Variants in MAPK8IP3 observed in about 807,000 individuals in gnomAD.
MAPK8IP3 encodes mitogen-activated protein kinase 8 interacting protein 3, also known as C-Jun-amino-terminal kinase-interacting protein 3.
In MAPK8IP3, 49 loss-of-function variants were observed where a neutral mutation model predicts 157.8. The observed-to-expected ratio is 0.31, with a 90% CI of 0.25 to 0.39. The LOEUF (loss-of-function observed/expected upper bound fraction) is 0.39, where lower values mean the gene tolerates loss of function less well. Ranked by LOEUF, MAPK8IP3 falls within the 10% of genes least tolerant of loss-of-function variation. MAPK8IP3 has a pLI of 1.00. For missense variants in MAPK8IP3, 1,478 were observed against 1,889.4 expected, an observed-to-expected ratio of 0.78 and a Z score of 4.04; for synonymous variants, 897 against 777.7, an observed-to-expected ratio of 1.15 and a Z score of -2.55.
chr16:1,734,734 C>T (rs2039547000), intron 4 of MAPK8IP3, among the ~76,000 whole-genome samples: 1 of 152,258 alleles, frequency 6.6e-6, no homozygotes, highest in African/African-American at 2.4e-5. Context: ...CCTTTGGTCC[C>T]TTGGGGGACA....
At chr16:1,712,492 G>A (rs2037856102) in intron 1 of MAPK8IP3, among the ~76,000 whole-genome samples, 2 of 152,184 alleles carry the variant, frequency 1.3e-5, no homozygotes, top group Admixed American at 1.3e-4. Flanking sequence ...CCCTCACAAA[G>A]CATATCTGGT....
At chr16:1,765,714 G>C (rs1421069037) in intron 20 of MAPK8IP3, among the ~76,000 whole-genome samples, 6 of 152,220 alleles carry the variant, frequency 3.9e-5, no homozygotes, top group Admixed American at 3.3e-4. Flanking sequence ...TTTGCTCCCA[G>C]AACCAGAGTC....
Position 1,724,275 on chromosome 16 carries a change from C to T in MAPK8IP3, c.319-282C>T, listed in dbSNP as rs980503058. Among the ~76,000 whole-genome samples, 1 of 152,274 alleles carries T rather than the reference C, an allele frequency of 6.6e-6. No individual in the cohort carries two copies. The highest frequency in any genetic ancestry group is 2.4e-5 in the African/African-American group (1 of 41,482). On this transcript the variant is annotated intron_variant, in intron 1 of 31. Coordinates refer to ENST00000610761, the MANE Select transcript of MAPK8IP3 (RefSeq NM_001318852.2). This position sits in a 1 kb window ranked among gnomAD's most constrained non-coding sequence, Gnocchi z 4.1. ...CGAAGGCAGCCGTAATTGGAAACAACAGGCTCCCTTCACAGCAAATCCTCC... is the reference window on the plus strand; with the variant it reads ...CGAAGGCAGCCGTAATTGGAAACAATAGGCTCCCTTCACAGCAAATCCTCC...
chr16:1,719,068 G>T (rs555683854), intron 1 of MAPK8IP3, among the ~76,000 whole-genome samples: 1 of 152,190 alleles, frequency 6.6e-6, no homozygotes, highest in Admixed American at 6.5e-5. Flanking sequence ...GCAAGACCCC[G>T]TCTCAAGCAA....
rs1567209651 is a variant in MAPK8IP3, at chr16:1,766,076, C to T, written c.2563C>T (p.Arg855Cys). ...AGITLVGCAT[R>C]CNVPRSNCSS... ...TATCACCCTGGTGGGCTGTGCCACCCGCTGCAACGTGCCGCGGAGCAACTG... is the reference window on the plus strand; with the variant it reads ...TATCACCCTGGTGGGCTGTGCCACCTGCTGCAACGTGCCGCGGAGCAACTG... Residue 855 changes from arginine (R) to cysteine (C), a missense_variant, in exon 21 of 32, where the codon CGC (arginine) becomes TGC (cysteine). Physicochemically the swap from Arg to Cys is radical, Grantham distance 180. Around this residue, in one of 11 missense-constraint regions of MAPK8IP3, gnomAD observed 669 missense variants for 759.8 expected, o/e 0.88. Transcript: ENST00000610761. The T allele has an allele frequency of 2.5e-6, 4 of 1,612,826 alleles. No individual in the cohort carries two copies. The highest frequency in any genetic ancestry group is 1.7e-5 in the Admixed American group (1 of 59,998).
chr16:1,765,904 C>T lies in MAPK8IP3; in HGVS notation c.2447-56C>T, dbSNP rs112719956. ...TCTGCCCCTGTGTAAGTGCTGGGCA[C>T]GCCCTTGCAGTAGTGGGTTCCCCCG... On this transcript the variant is annotated intron_variant, in intron 20 of 31. Coordinates refer to ENST00000610761, the MANE Select transcript of MAPK8IP3 (RefSeq NM_001318852.2). The T allele has an allele frequency of 3.7e-4, 555 of 1,491,076 alleles. 2 individuals are homozygous for T. In the African/African-American group the frequency reaches 5.6e-3, roughly 15 times the overall value. 92.4% of individuals were successfully genotyped at this position (1,491,076 alleles called of 1,614,324 possible). A position where few individuals can be genotyped will look rare whatever the true frequency, so the allele number is the denominator to read the frequency against.
chr16:1,730,833 A>G (rs1310920731), intron 4 of MAPK8IP3, among the ~76,000 whole-genome samples: 1 of 112,628 alleles, frequency 8.9e-6, no homozygotes, highest in Non-Finnish European at 1.8e-5. Flanking sequence ...ACAGAGTGAG[A>G]CTCTGTCAAA....
At chr16:1,762,579 G>A in intron 14 of MAPK8IP3, 96 bp from the exon 15 acceptor site, 5 of 1,567,258 alleles carry the variant, frequency 3.2e-6, no homozygotes, top group Non-Finnish European at 4.3e-6. Context: ...TGGGGGGACT[G>A]AAGTGCGCTG....
chr16:1,740,072 G>A (rs1265946327), intron 4 of MAPK8IP3, among the ~76,000 whole-genome samples: 2 of 69,476 alleles, frequency 2.9e-5, no homozygotes, highest in Non-Finnish European at 5.1e-5. Flanking sequence ...CCGTGTGAGC[G>A]TGAGCATCCG....
At chr16:1,729,607 C>CGCGGGGCGCG (rs1567153594) in intron 4 of MAPK8IP3, 29 bp downstream of exon 4, 5 of 1,561,056 alleles carry the variant, frequency 3.2e-6, no homozygotes, top group South Asian at 1.2e-5. Flanking sequence ...GGTGGAGGTA[C>CGCGGGGCGCG]GCGGGGCGCG....
chr16:1,748,488 G>A (rs2041102268), intron 7 of MAPK8IP3, 114 bp from the exon 8 acceptor site: 9 of 1,133,262 alleles, frequency 7.9e-6, no homozygotes, highest in Non-Finnish European at 1.2e-5. Context: ...CGGCCTGCAG[G>A]GCAGTGTGGG....
chr16:1,759,974 G>A lies in MAPK8IP3; in HGVS notation c.1263G>A (p.Val421=). Residue 421 remains valine (V), a synonymous_variant, in exon 11 of 32, where the codon GTG becomes GTA. Transcript: ENST00000610761. The part of the protein sequence containing the change: ...RDDFFGMGKE[V]GNLLLENSQL... Reference sequence around the variant, plus strand: ...CTGTTTCAGGAATGGGCAAAGAAGTGGGGAATCTGCTACTGGAAAACTCAC... The same window carrying A: ...CTGTTTCAGGAATGGGCAAAGAAGTAGGGAATCTGCTACTGGAAAACTCAC... 1.9e-6 allele frequency: 3 copies of A among 1,614,196 alleles called. No homozygotes were observed. Among genetic ancestry groups the A allele is most frequent in the Non-Finnish European group, 2.5e-6 (3 of 1,180,020 alleles).
intron 6 of MAPK8IP3, 64 bp from the exon 7 acceptor site, chr16:1,748,180 C>G: frequency 7.8e-7 from 1 of 1,282,444 alleles, no homozygotes; most frequent in Admixed American, 1.7e-5. Flanking sequence ...CGAGGGCAGC[C>G]GTGAGCAGGG....
At chr16:1,708,289 A>C (rs182450043) in intron 1 of MAPK8IP3, among the ~76,000 whole-genome samples, 27 of 152,312 alleles carry the variant, frequency 1.8e-4, no homozygotes, top group African/African-American at 6.5e-4. Flanking sequence ...CAGGCACCGG[A>C]GGGCTGCTCC....
Position 1,765,004 on chromosome 16 carries a change from C to A in MAPK8IP3, c.2281-9C>A. ...CGGGCTCTGACCTTGATCCCGTGCC[C>A]TGAAACAGGCCAAGGAGCTCCCTGA... On this transcript the variant is annotated splice_polypyrimidine_tract_variant and intron_variant, in intron 19 of 31. Transcript: ENST00000610761. 6.3e-7 allele frequency: 1 copy of A among 1,597,416 alleles called. No homozygotes were observed. The highest frequency in any genetic ancestry group is 8.6e-7 in the Non-Finnish European group (1 of 1,167,438).
Position 1,758,138 on chromosome 16 carries a change from G to C in MAPK8IP3, c.1217-10G>C. On this transcript the variant is annotated splice_polypyrimidine_tract_variant and intron_variant, in intron 8 of 31. Transcript: ENST00000610761. ...TCCCCTGCCTCTCTGTGCGTCGCTG[G>C]ACTCGCCAGGGGAGTTCTCAGGTGA... 2 of 1,613,514 alleles carry C rather than the reference G, an allele frequency of 1.2e-6. No individual in the cohort carries two copies. Among genetic ancestry groups the C allele is most frequent in the Non-Finnish European group, 8.5e-7 (1 of 1,179,700 alleles).
intron 1 of MAPK8IP3, among the ~76,000 whole-genome samples, chr16:1,713,086 T>A (rs1010108845): frequency 6.6e-6 from 1 of 152,198 alleles, no homozygotes; most frequent in Non-Finnish European, 1.5e-5. Context: ...ACTGTGCAGT[T>A]CCGGAAGGTC....
chr16:1,749,983 C>T (rs930068280), intron 8 of MAPK8IP3, among the ~76,000 whole-genome samples: 3 of 152,178 alleles, frequency 2.0e-5, no homozygotes, highest in African/African-American at 7.2e-5. Context: ...TAGTGTTGGA[C>T]ACACTGTACT....
At position 1,766,277 on chromosome 16, in the gene MAPK8IP3, C is replaced by T. The variant is rs1472207816; in HGVS notation, c.2687C>T (p.Ala896Val). 3.7e-6 allele frequency: 6 copies of T among 1,612,498 alleles called. No individual in the cohort carries two copies. Among genetic ancestry groups the T allele is most frequent in the Non-Finnish European group, 5.1e-6 (6 of 1,179,976 alleles). ...AACCCGTCCCAGTCCACAGAGGAGGCCACAGAGGCCACGGAGGTGCCAGAC... is the reference window on the plus strand; with the variant it reads ...AACCCGTCCCAGTCCACAGAGGAGGTCACAGAGGCCACGGAGGTGCCAGAC... The part of the protein sequence containing the change: ...KVNPSQSTEE[A>V]TEATEVPDPG... Residue 896 changes from alanine to valine, a missense_variant, in exon 22 of 32, where the codon GCC becomes GTC. Physicochemically the swap from Ala to Val is moderately conservative, Grantham distance 64. Coordinates refer to ENST00000610761, the MANE Select transcript of MAPK8IP3 (RefSeq NM_001318852.2).
Sources: allele counts gnomAD v4.1 joint callset (sites outside exome capture counted in the v4.1 genomes callset), GRCh38; gene constraint gnomAD v4.1.1; regional missense constraint gnomAD v4.1.1; non-coding constraint Gnocchi (gnomAD v3.1); transcripts MANE v1.5; gene names NCBI Gene and HGNC (gene_info 2026-07-23, HGNC 2026-07-21).